LDHC: variants seen among roughly 807,000 people sequenced by gnomAD.
The protein encoded by LDHC is lactate dehydrogenase C, also known as L-lactate dehydrogenase C chain.
A neutral mutation model predicts 30.2 loss-of-function variants in LDHC; 20 were observed. The observed-to-expected ratio is 0.66, with a 90% confidence interval of 0.47 to 0.96. The LOEUF (loss-of-function observed/expected upper bound fraction) is 0.96, where lower values mean the gene tolerates loss of function less well. Ranked by LOEUF, LDHC falls within the 40% of genes least tolerant of loss-of-function variation. The pLI is 0.00. For synonymous variants in LDHC, 139 were observed against 132.7 expected (o/e 1.05, Z -0.32); for missense variants, 362 against 394.9 (o/e 0.92, Z 0.71).
intron 3 of LDHC, among the ~76,000 whole-genome samples, chr11:18,424,086 G>A (rs568987933): frequency 6.6e-6 from 1 of 151,754 alleles, no homozygotes; most frequent in Non-Finnish European, 1.5e-5. Flanking sequence ...AGTAAAACCA[G>A]TTAAAAAAAC....
chr11:18,415,062 A>G (rs1866982045), intron 2 of LDHC, 122 bp from the exon 3 acceptor site: 1 of 548,366 alleles, frequency 1.8e-6, no homozygotes, highest in South Asian at 3.1e-5. Context: ...AACTATTTTT[A>G]TATCATTTTT....
chr11:18,414,069 G>C (rs1866958610), intron 2 of LDHC, among the ~76,000 whole-genome samples: 1 of 152,194 alleles, frequency 6.6e-6, no homozygotes. Context: ...AAAGATGGCT[G>C]TACAGTTTGT....
intron 5 of LDHC, 57 bp from the exon 6 acceptor site, chr11:18,438,471 C>T: frequency 2.6e-6 from 3 of 1,132,138 alleles, no homozygotes; most frequent in Non-Finnish European, 2.7e-6. Context: ...ACACTGAACT[C>T]AAACTCCTGA....
At chr11:18,445,594 T>C (rs1848541522) in intron 6 of LDHC, among the ~76,000 whole-genome samples, 1 of 152,144 alleles carries the variant, frequency 6.6e-6, no homozygotes, top group Non-Finnish European at 1.5e-5. Context: ...CAAAAAATAT[T>C]AAAAGCTAGT....
chr11:18,420,364 G>A (rs776316255), intron 3 of LDHC, among the ~76,000 whole-genome samples: 1 of 152,096 alleles, frequency 6.6e-6, no homozygotes, highest in Non-Finnish European at 1.5e-5. Context: ...ACATATTCTT[G>A]TGAAATTAGA....
intron 3 of LDHC, among the ~76,000 whole-genome samples, chr11:18,429,227 C>G (rs1300867156): frequency 6.7e-6 from 1 of 150,230 alleles, no homozygotes; most frequent in South Asian, 2.1e-4. Context: ...ATTCTCCTGC[C>G]TCAGCCTCCC....
chr11:18,416,743 C>A (rs988796619), intron 3 of LDHC, among the ~76,000 whole-genome samples: 1 of 150,346 alleles, frequency 6.7e-6, no homozygotes, highest in East Asian at 2.0e-4. Context: ...TTCCCTTCTC[C>A]GTTCATTTCA....
Position 18,429,787 on chromosome 11 carries a change from A to C in LDHC, c.295A>C (p.Arg99=). ...SRIVIVTAGA[R]QQEGETRLAL... ...AATAGTTATTGTCACAGCAGGTGCA[A>C]GGCAGCAGGAGGGAGAAACTCGCCT... Residue 99 remains arginine, a synonymous_variant, in exon 4 of 8, where the codon AGG becomes CGG. Transcript: ENST00000541669. 1 of 1,612,954 alleles carries C rather than the reference A, an allele frequency of 6.2e-7. No individual in the cohort carries two copies. The highest frequency in any genetic ancestry group is 1.1e-5 in the South Asian group (1 of 90,978).
At position 18,438,515 on chromosome 11, in the gene LDHC, C is replaced by G. The variant is rs1459183348; in HGVS notation, c.593-13C>G. On this transcript the variant is annotated splice_polypyrimidine_tract_variant and intron_variant, in intron 5 of 7. Transcript: ENST00000541669. Reference sequence around the variant, plus strand: ...TGGGAAGAAGAGTTTATTTTGAGATCTGTATTTTTTAGTGCCCTTATGGAG... The same window carrying G: ...TGGGAAGAAGAGTTTATTTTGAGATGTGTATTTTTTAGTGCCCTTATGGAG... 6.6e-7 allele frequency: 1 copy of G among 1,520,500 alleles called. No individual in the cohort carries two copies. The highest frequency in any genetic ancestry group is 9.1e-7 in the Non-Finnish European group (1 of 1,096,864). 94.2% of individuals were successfully genotyped at this position (1,520,500 alleles called of 1,614,324 possible).
At chr11:18,446,826 C>T (rs1848561771) in intron 7 of LDHC, among the ~76,000 whole-genome samples, 1 of 152,178 alleles carries the variant, frequency 6.6e-6, no homozygotes, top group Non-Finnish European at 1.5e-5. Context: ...CTGAGAACCA[C>T]TTGCGTAGAC....
chr11:18,433,997 A>G (rs1848314013), intron 4 of LDHC, among the ~76,000 whole-genome samples: 1 of 152,160 alleles, frequency 6.6e-6, no homozygotes, highest in African/African-American at 2.4e-5. Flanking sequence ...CTTTGTTCAT[A>G]TCTTCTTATT....
At chr11:18,445,689 G>A (rs1848542799) in intron 6 of LDHC, among the ~76,000 whole-genome samples, 1 of 152,142 alleles carries the variant, frequency 6.6e-6, no homozygotes, top group Non-Finnish European at 1.5e-5. Context: ...AAAAAAAGTA[G>A]GCTGGGCACG....
At chr11:18,424,656 C>T (rs1211292632) in intron 3 of LDHC, among the ~76,000 whole-genome samples, 4 of 152,132 alleles carry the variant, frequency 2.6e-5, no homozygotes, top group African/African-American at 9.7e-5. Context: ...GGATAAATAT[C>T]AGATACATAA....
chr11:18,420,655 A>AAG (rs1376826787), intron 3 of LDHC, among the ~76,000 whole-genome samples: 1 of 151,408 alleles, frequency 6.6e-6, no homozygotes, highest in African/African-American at 2.4e-5. Flanking sequence ...AAAAAAAAAA[A>AAG]AAAAAAAAAA....
At chr11:18,417,556 G>A (rs905446149) in intron 3 of LDHC, among the ~76,000 whole-genome samples, 6 of 152,100 alleles carry the variant, frequency 3.9e-5, no homozygotes, top group African/African-American at 1.4e-4. Flanking sequence ...ACCACACCCA[G>A]CTAATTTTTA....
At chr11:18,425,765 C>T (rs928354056) in intron 3 of LDHC, among the ~76,000 whole-genome samples, 4 of 151,660 alleles carry the variant, frequency 2.6e-5, no homozygotes, top group African/African-American at 9.7e-5. Flanking sequence ...CGGTGAAACC[C>T]CTTCTCTACT....
intron 7 of LDHC, among the ~76,000 whole-genome samples, chr11:18,449,428 T>TAAAAAAAAAAAAAAAA (rs557136321): frequency 2.1e-5 from 1 of 48,434 alleles, no homozygotes; most frequent in African/African-American, 8.3e-5. Context: ...CACTGTCTCC[T>TAAAAAAAAAAAAAAAA]AAAAAAAAAA....
chr11:18,434,267 T>A (rs755636156), intron 4 of LDHC, among the ~76,000 whole-genome samples: 1 of 151,938 alleles, frequency 6.6e-6, no homozygotes, highest in Non-Finnish European at 1.5e-5. Context: ...CTCTGGTCCC[T>A]CCCTGATTAG....
At chr11:18,417,960 A>G (rs71486865) in intron 3 of LDHC, among the ~76,000 whole-genome samples, 2,502 of 152,124 alleles carry the variant, frequency 0.016, 38 homozygotes, top group Non-Finnish European at 0.029. Context: ...CTTGAGTTCA[A>G]GGTTGCAGTG....
Sources: allele counts gnomAD v4.1 joint callset (sites outside exome capture counted in the v4.1 genomes callset), GRCh38; gene constraint gnomAD v4.1.1; transcripts MANE v1.5; gene names NCBI Gene and HGNC (gene_info 2026-07-23, HGNC 2026-07-21).